GMEB1: variants seen among roughly 807,000 people sequenced by gnomAD.
GMEB1 encodes glucocorticoid modulatory element-binding protein 1.
Under a neutral mutation model 52.4 loss-of-function variants are expected in GMEB1, and 6 were observed. The ratio of observed to expected loss-of-function variants is 0.11; its 90% CI spans 0.06 to 0.23. GMEB1 has a LOEUF of 0.23. GMEB1 is among the 10% of genes least tolerant of loss of function. The pLI is 1.00. For missense variants in GMEB1, 486 were observed against 685.6 expected (o/e 0.71, Z 3.25); for synonymous variants, 255 against 244.9 (o/e 1.04, Z -0.38).
At chr1:28,676,730 A>AAATAAAT (rs1669167153) in intron 1 of GMEB1, among the ~76,000 whole-genome samples, 9 of 151,314 alleles carry the variant, frequency 5.9e-5, no homozygotes, top group Admixed American at 4.0e-4. Flanking sequence ...GTCTCAAAAA[A>AAATAAAT]AAATAAATAA....
At chr1:28,688,903 C>CTTTTTTTTT (rs141260036) in intron 2 of GMEB1, among the ~76,000 whole-genome samples, 64,139 of 143,380 alleles carry the variant, frequency 0.45, 14,870 homozygotes, top group East Asian at 0.75. Context: ...TTTTTTTTTT[C>CTTTTTTTTT]TTTTTTGAGA....
intron 1 of GMEB1, among the ~76,000 whole-genome samples, chr1:28,675,606 G>A (rs1438254816): frequency 6.6e-6 from 1 of 151,008 alleles, no homozygotes; most frequent in Non-Finnish European, 1.5e-5. Flanking sequence ...CTTGAACCCA[G>A]GAGGCAGAAG....
chr1:28,675,397 G>A (rs1386782281), intron 1 of GMEB1, among the ~76,000 whole-genome samples: 1 of 151,878 alleles, frequency 6.6e-6, no homozygotes, highest in East Asian at 1.9e-4. Context: ...TCCAGAGAGA[G>A]ATCGGCCGGG....
chr1:28,703,396 T>C (rs1170848475), intron 7 of GMEB1, among the ~76,000 whole-genome samples: 1 of 152,132 alleles, frequency 6.6e-6, no homozygotes, highest in Non-Finnish European at 1.5e-5. Flanking sequence ...GTGCGGTGGC[T>C]CATGCCTGTA....
chr1:28,672,547 G>A (rs1185813576), intron 1 of GMEB1, among the ~76,000 whole-genome samples: 1 of 151,406 alleles, frequency 6.6e-6, no homozygotes, highest in African/African-American at 2.4e-5. Context: ...CCCAGAAAGT[G>A]CCAATATTAT....
At chr1:28,694,271 A>G (rs906498472) in intron 5 of GMEB1, among the ~76,000 whole-genome samples, 23 of 150,294 alleles carry the variant, frequency 1.5e-4, no homozygotes, top group African/African-American at 4.7e-4. Context: ...GCTCACTGCA[A>G]CCTCTGCCTC....
At chr1:28,677,958 C>G (rs1002261764) in intron 1 of GMEB1, among the ~76,000 whole-genome samples, 3 of 151,916 alleles carry the variant, frequency 2.0e-5, no homozygotes, top group African/African-American at 7.3e-5. Flanking sequence ...CCAAGGCAGG[C>G]GGATCACCTG....
rs2124611357 is a variant in GMEB1 at position 28,718,256 on chromosome 1, A to T, written c.*3483A>T. On this transcript the variant is annotated 3_prime_UTR_variant, in exon 10 of 10. Transcript: ENST00000373816. Reference sequence around the variant, plus strand: ...AGGCACTGACAGTAGAGAGATGAAGACATAGTCCTTGCACTTAAGGAATTC... The same window carrying T: ...AGGCACTGACAGTAGAGAGATGAAGTCATAGTCCTTGCACTTAAGGAATTC... The T allele has an allele frequency of 6.6e-6, 1 of 152,366 alleles. No homozygotes were observed. Among genetic ancestry groups the T allele is most frequent in the East Asian group, 1.9e-4 (1 of 5,192 alleles). 9.4% of individuals were successfully genotyped at this position (152,366 alleles called of 1,614,324 possible). A position where few individuals can be genotyped will look rare whatever the true frequency, so the allele number is the denominator to read the frequency against.
intron 6 of GMEB1, among the ~76,000 whole-genome samples, chr1:28,699,284 A>T (rs940956971): frequency 1.3e-4 from 20 of 152,204 alleles, no homozygotes; most frequent in African/African-American, 4.3e-4. Flanking sequence ...ATTATTAAGG[A>T]TTTAGTTAGT....
intron 8 of GMEB1, among the ~76,000 whole-genome samples, chr1:28,706,217 G>T (rs1000079220): frequency 2.0e-5 from 3 of 151,974 alleles, no homozygotes; most frequent in African/African-American, 7.2e-5. Flanking sequence ...TTAATTTAAG[G>T]CTTTCTGAAC....
Position 28,718,167 on chromosome 1 carries a change from T to C in GMEB1, c.*3394T>C, listed in dbSNP as rs1383715955. ...TTAGGCTGACTTGGTAGTAGGCATT[T>C]GTCTTTCTGTTCATGCATTGAATAA... On this transcript the variant is annotated 3_prime_UTR_variant, in exon 10 of 10. Coordinates refer to ENST00000373816, the MANE Select transcript of GMEB1 (RefSeq NM_001319674.2). The C allele has an allele frequency of 6.6e-6, 1 of 152,224 alleles. No individual in the cohort carries two copies. Among genetic ancestry groups the C allele is most frequent in the East Asian group, 1.9e-4 (1 of 5,196 alleles). 9.4% of individuals were successfully genotyped at this position (152,224 alleles called of 1,614,324 possible).
rs140686141 is a variant in GMEB1, at chr1:28,683,738, A to G, written c.126A>G (p.Gln42=). 1,115 of 1,612,672 alleles carry G rather than the reference A, an allele frequency of 6.9e-4. 10 individuals carry two copies. The African/African-American group carries it at 0.014, about 20-fold the overall frequency. The part of the protein sequence containing the change: ...QVILQLQPVQ[Q]GIYEAGSENN... The stretch of plus-strand genomic sequence containing the variant: ...TTTTGCAGTTACAGCCTGTGCAACA[A>G]GGGTAAGTGGCTAGAGATTTGGGTA... Residue 42 remains glutamine (Q), a splice_region_variant and synonymous_variant, in exon 2 of 10, where the codon CAA becomes CAG. Transcript: ENST00000373816.
At chr1:28,707,493 A>T (rs1378728000) in intron 8 of GMEB1, among the ~76,000 whole-genome samples, 1 of 152,056 alleles carries the variant, frequency 6.6e-6, no homozygotes, top group Non-Finnish European at 1.5e-5. Context: ...TAGATTGAGA[A>T]TGTATTTTGA....
intron 2 of GMEB1, among the ~76,000 whole-genome samples, chr1:28,687,792 C>T (rs1282461510): frequency 6.6e-6 from 1 of 150,702 alleles, no homozygotes; most frequent in Non-Finnish European, 1.5e-5. Flanking sequence ...GATTTGGTGA[C>T]TGACTATGTG....
intron 1 of GMEB1, among the ~76,000 whole-genome samples, chr1:28,675,722 A>G (rs1459846429): frequency 6.6e-6 from 1 of 152,062 alleles, no homozygotes; most frequent in Non-Finnish European, 1.5e-5. Context: ...TTAAATTAAA[A>G]AAAGAAAAAA....
intron 6 of GMEB1, among the ~76,000 whole-genome samples, chr1:28,700,054 GTC>G (rs1402996063): frequency 8.5e-6 from 1 of 117,218 alleles, no homozygotes; most frequent in African/African-American, 3.4e-5. Context: ...GAGAGACCCT[GTC>G]TCAAAAAAAA....
intron 1 of GMEB1, among the ~76,000 whole-genome samples, chr1:28,681,025 C>T (rs1228459102): frequency 1.3e-5 from 2 of 152,072 alleles, no homozygotes; most frequent in African/African-American, 4.8e-5. Context: ...GCCTGGGCAA[C>T]AAGAACGAAA....
intron 3 of GMEB1, among the ~76,000 whole-genome samples, chr1:28,690,511 G>A (rs1448992112): frequency 6.6e-6 from 1 of 152,074 alleles, no homozygotes; most frequent in East Asian, 1.9e-4. Context: ...GATGACTGAT[G>A]AGGTATTGTC....
In GMEB1 at chr1:28,715,195, A is replaced by T; in HGVS notation, c.*422A>T. On this transcript the variant is annotated 3_prime_UTR_variant, in exon 10 of 10. Coordinates refer to ENST00000373816, the MANE Select transcript of GMEB1 (RefSeq NM_001319674.2). ...CACTCGCATGTGGATGCTGAAGGGCACTTTATTTTGTATCCTGAAAAGGGC... is the reference window on the plus strand; with the variant it reads ...CACTCGCATGTGGATGCTGAAGGGCTCTTTATTTTGTATCCTGAAAAGGGC... 5.8e-6 allele frequency: 1 copy of T among 172,336 alleles called. No homozygotes were observed. Among genetic ancestry groups the T allele is most frequent in the Non-Finnish European group, 1.3e-5 (1 of 78,748 alleles). The allele number at this position is 172,336 out of a possible 1,614,324, so 10.7% of individuals were successfully genotyped here.
Sources: gnomAD v4.1 joint callset for allele counts (sites outside exome capture counted in the v4.1 genomes callset) on GRCh38, gnomAD v4.1.1 for gene constraint, MANE v1.5 for transcripts, NCBI Gene and HGNC (gene_info 2026-07-23, HGNC 2026-07-21) for gene names.